C1orf159: variants seen among roughly 807,000 people sequenced by gnomAD.
C1orf159 encodes uncharacterized protein C1orf159.
A neutral mutation model predicts 25.6 loss-of-function variants in C1orf159; 19 were observed. The observed-to-expected ratio is 0.74, with a 90% confidence interval of 0.52 to 1.09. C1orf159 has a LOEUF of 1.09. Ranked by LOEUF, C1orf159 falls within the 50% of genes least tolerant of loss-of-function variation. The pLI is 0.00. For synonymous variants in C1orf159, 139 were observed against 124.7 expected (o/e 1.12, Z -0.77); for missense variants, 274 against 290.6 (o/e 0.94, Z 0.42).
At position 1,087,578 on chromosome 1, in the gene C1orf159, G is replaced by A. The variant is rs758691327; in HGVS notation, c.168C>T (p.Asn56=). The change falls in exon 5 of 10, where the codon AAC becomes AAT. Residue 56 remains asparagine, a synonymous_variant. Transcript: ENST00000421241. This position sits in a 1 kb window ranked among gnomAD's most constrained non-coding sequence, Gnocchi z 8.3. ...LCGPGCYRRW[N]ADGSASCVRC... ...GGACGCAGCTGGCGCTCCCGTCCGCGTTCCAGCGCCTGTAACAGCCTGCGT... is the reference window on the plus strand; with the variant it reads ...GGACGCAGCTGGCGCTCCCGTCCGCATTCCAGCGCCTGTAACAGCCTGCGT... 1.0e-5 allele frequency: 16 copies of A among 1,547,792 alleles called. No homozygotes were observed. Among genetic ancestry groups the A allele is most frequent in the East Asian group, 2.4e-5 (1 of 40,926 alleles).
chr1:1,083,599 T>C (rs1301188106), intron 9 of C1orf159: 2 of 361,804 alleles, frequency 5.5e-6, no homozygotes, highest in Non-Finnish European at 5.0e-6. Flanking sequence ...TGGCCTTGTT[T>C]GCCCCTTGGT....
intron 1 of C1orf159, among the ~76,000 whole-genome samples, chr1:1,113,082 G>A (rs984857614): frequency 6.6e-6 from 1 of 152,070 alleles, no homozygotes; most frequent in African/African-American, 2.4e-5. Context: ...TGTAGTCCCA[G>A]CTACTCGGGA....
Position 1,110,671 on chromosome 1 carries a change from C to T in C1orf159, c.-136+5389G>A, listed in dbSNP as rs1035160880. Among the ~76,000 whole-genome samples the T allele has an allele frequency of 1.3e-5, 2 of 151,866 alleles. No homozygotes were observed. Among genetic ancestry groups the T allele is most frequent in the South Asian group, 2.1e-4 (1 of 4,826 alleles). On this transcript the variant is annotated intron_variant, in intron 1 of 9. Coordinates refer to ENST00000421241, the MANE Select transcript of C1orf159 (RefSeq NM_017891.5). The surrounding 1 kb of genome is among the most constrained non-coding windows in gnomAD (Gnocchi z 4.8). ...TGGGATGCAGCCTTCCCCCCGGGCA[C>T]GTTCCCAAGAGAAACAACACACGCC...
In C1orf159 at chr1:1,090,780, A is replaced by T. The variant is rs953208344; in HGVS notation, c.73-352T>A. 22 of 1,066,184 alleles carry T rather than the reference A, an allele frequency of 2.1e-5. No individual in the cohort carries two copies. In the Middle Eastern group the frequency reaches 1.1e-3, roughly 52 times the overall value. The allele number at this position is 1,066,184 out of a possible 1,614,324, so 66.0% of individuals were successfully genotyped here. ...CCATCAGGGGTTTCCGCTTGACCCC[A>T]CAGAGGAAGTGCCCGGGCCTGGCTG... On this transcript the variant is annotated intron_variant, in intron 3 of 9. Transcript: ENST00000421241.
rs1245716379 is a variant in C1orf159 at position 1,089,792 on chromosome 1, C to T, written c.148+561G>A. 6.6e-6 allele frequency among the ~76,000 whole-genome samples: 1 copy of T among 152,210 alleles called. No individual in the cohort carries two copies. Among genetic ancestry groups the T allele is most frequent in the East Asian group, 1.9e-4 (1 of 5,184 alleles). On this transcript the variant is annotated intron_variant, in intron 4 of 9. Transcript: ENST00000421241. This position sits in a 1 kb window ranked among gnomAD's most constrained non-coding sequence, Gnocchi z 7.5. ...TGTCCTCCCCTCCCCTGGCTGCTCC[C>T]ACTGGCTGCCCTCACCAGCCTCAAC...
intron 9 of C1orf159, chr1:1,083,916 G>A (rs772539613): frequency 2.8e-5 from 45 of 1,580,260 alleles, no homozygotes; most frequent in South Asian, 3.5e-5. Context: ...GGTCCTAACC[G>A]GGCTGACTCT....
At chr1:1,085,208 A>T (rs1645809237) in intron 7 of C1orf159, 1 of 383,946 alleles carries the variant, frequency 2.6e-6, no homozygotes, top group South Asian at 1.8e-5. Context: ...GAGACCTGGG[A>T]GGAGGCCCCA....
intron 1 of C1orf159, among the ~76,000 whole-genome samples, chr1:1,109,148 G>A (rs1646223950): frequency 6.6e-6 from 1 of 151,386 alleles, no homozygotes; most frequent in Non-Finnish European, 1.5e-5. Flanking sequence ...ACCCACAGAT[G>A]AATGGATAAA....
Position 1,084,338 on chromosome 1 carries a change from G to A in C1orf159, c.502+15C>T, listed in dbSNP as rs200174063. 1,250 of 1,540,812 alleles carry A rather than the reference G, an allele frequency of 8.1e-4. 7 individuals carry two copies. Among genetic ancestry groups the A allele is most frequent in the Admixed American group, 2.7e-4 (13 of 47,936 alleles). On this transcript the variant is annotated intron_variant, in intron 9 of 9. Coordinates refer to ENST00000421241, the MANE Select transcript of C1orf159 (RefSeq NM_017891.5). ...GATGGGAAACCCCACAGGGGGATGC[G>A]ACAGCTGCTGTTACCTGAGGACTGT...
At chr1:1,083,136 C>T in intron 9 of C1orf159, 149 bp from the exon 10 acceptor site, 1 of 605,856 alleles carries the variant, frequency 1.7e-6, no homozygotes, top group Non-Finnish European at 2.8e-6. Context: ...AACCCAGATG[C>T]CCCCTGCCCC....
intron 6 of C1orf159, among the ~76,000 whole-genome samples, chr1:1,086,625 A>ACAGGAGGC (rs1412544193): frequency 6.6e-6 from 1 of 152,240 alleles, no homozygotes; most frequent in East Asian, 1.9e-4. Context: ...GCACAGAGCC[A>ACAGGAGGC]CAGGAGGCCA....
In C1orf159 at chr1:1,090,696, G is replaced by A. The variant is rs970257544; in HGVS notation, c.73-268C>T. 1.5e-5 allele frequency: 11 copies of A among 711,386 alleles called. No individual in the cohort carries two copies. In the African/African-American group the frequency reaches 1.6e-4, roughly 10 times the overall value. 44.1% of individuals were successfully genotyped at this position (711,386 alleles called of 1,614,324 possible). On this transcript the variant is annotated intron_variant, in intron 3 of 9. Coordinates refer to ENST00000421241, the MANE Select transcript of C1orf159 (RefSeq NM_017891.5). ...TGGAAGAGTAAACCACCCCCAGGAG[G>A]CGGCACCCGCAGGCCATGGCAGCGC... is the stretch of plus-strand genomic sequence containing the variant.
chr1:1,090,533 G>A (rs549405365), intron 3 of C1orf159, 105 bp from the exon 4 acceptor site: 353 of 1,184,124 alleles, frequency 3.0e-4, no homozygotes, highest in Non-Finnish European at 4.0e-4. Flanking sequence ...CTCAATGTCC[G>A]CAGCTCCGGC....
At chr1:1,086,135 C>CCACA in intron 6 of C1orf159, 123 bp from the exon 7 acceptor site, 2 of 1,239,444 alleles carry the variant, frequency 1.6e-6, no homozygotes, top group Non-Finnish European at 1.1e-6. Flanking sequence ...CTCACGGGAC[C>CCACA]GGCTGTGGGT....
chr1:1,090,454 C>G (rs1369575064), intron 3 of C1orf159, 26 bp from the exon 4 acceptor site: 4 of 1,549,248 alleles, frequency 2.6e-6, no homozygotes, highest in Non-Finnish European at 2.6e-6. Context: ...CAGTGAAACT[C>G]CAGGACGCGC....
intron 1 of C1orf159, among the ~76,000 whole-genome samples, chr1:1,108,773 C>G: frequency 1.3e-5 from 1 of 75,100 alleles, no homozygotes. Flanking sequence ...TTCACCACAG[C>G]CACCATGTCT....
intron 9 of C1orf159, chr1:1,083,890 C>T (rs1645783929): frequency 1.3e-6 from 2 of 1,545,046 alleles, no homozygotes; most frequent in Non-Finnish European, 1.8e-6. Context: ...GTGTCTGTGG[C>T]CCCGCACATA....
Position 1,089,948 on chromosome 1 carries a change from C to A in C1orf159, c.148+405G>T, listed in dbSNP as rs981703139. ...GCGTCCTGTTGATTGGCATTCCACT[C>A]CACGCACCAGGGGCCAGCAGCACCT... On this transcript the variant is annotated intron_variant, in intron 4 of 9. Coordinates refer to ENST00000421241, the MANE Select transcript of C1orf159 (RefSeq NM_017891.5). This position sits in a 1 kb window ranked among gnomAD's most constrained non-coding sequence, Gnocchi z 7.5. 6.6e-6 allele frequency among the ~76,000 whole-genome samples: 1 copy of A among 152,242 alleles called. No homozygotes were observed. Among genetic ancestry groups the A allele is most frequent in the African/African-American group, 2.4e-5 (1 of 41,464 alleles).
chr1:1,087,384 G>T lies in C1orf159; in HGVS notation c.244+118C>A. On this transcript the variant is annotated intron_variant, in intron 5 of 9. Transcript: ENST00000421241. This position sits in a 1 kb window ranked among gnomAD's most constrained non-coding sequence, Gnocchi z 8.3. ...GACTCGGGAAGAGGGGGCTCCCGGG[G>T]CTGTTCCCCAGTGGACAGTGGCTCT... is the stretch of plus-strand genomic sequence containing the variant. The T allele has an allele frequency of 1.7e-6, 2 of 1,195,858 alleles. No homozygotes were observed. Among genetic ancestry groups the T allele is most frequent in the Non-Finnish European group, 2.3e-6 (2 of 862,656 alleles). The allele number at this position is 1,195,858 out of a possible 1,614,324, so 74.1% of individuals were successfully genotyped here.
Sources: allele counts gnomAD v4.1 joint callset (sites outside exome capture counted in the v4.1 genomes callset), GRCh38; gene constraint gnomAD v4.1.1; non-coding constraint Gnocchi (gnomAD v3.1); transcripts MANE v1.5; gene names NCBI Gene and HGNC (gene_info 2026-07-23, HGNC 2026-07-21).